The following UVSSA variants were observed in gnomAD, a reference collection of about 807,000 sequenced individuals.
UVSSA encodes UV-stimulated scaffold protein A.
Under a neutral mutation model 73.9 loss-of-function variants are expected in UVSSA, and 72 were observed. The ratio of observed to expected loss-of-function variants is 0.97; its 90% CI spans 0.81 to 1.19. UVSSA has a LOEUF of 1.19. Ranked by LOEUF, UVSSA falls within the 50% of genes most tolerant of loss-of-function variation. UVSSA has a pLI of 0.00. For missense variants in UVSSA, 1,150 were observed against 965.0 expected, an observed-to-expected ratio of 1.19 and a Z score of -2.54; for synonymous variants, 454 against 391.3, an observed-to-expected ratio of 1.16 and a Z score of -1.89.
upstream of UVSSA, among the ~76,000 whole-genome samples, chr4:1,343,417 G>T (rs541385903): frequency 3.3e-5 from 5 of 152,176 alleles, no homozygotes; most frequent in East Asian, 9.6e-4. Flanking sequence ...CTTCGACATA[G>T]GAATTTGGTA....
In UVSSA at chr4:1,348,156, C is replaced by T; in HGVS notation, c.65C>T (p.Pro22Leu). ...LTTSGEPRLN[P>L]EKMKELKKIC... ...ACTTCAGGAGAACCCCGACTAAATC[C>T]TGAGAAAATGAAGGAACTGAAGAAA... The change falls in exon 2 of 14, where the codon CCT becomes CTT. Residue 22 changes from proline to leucine, a missense_variant. Pro to Leu is a moderately conservative substitution (Grantham distance 98). Transcript: ENST00000389851. The T allele has an allele frequency of 6.2e-7, 1 of 1,613,898 alleles. No homozygotes were observed. Among genetic ancestry groups the T allele is most frequent in the Non-Finnish European group, 8.5e-7 (1 of 1,179,988 alleles).
At chr4:1,380,748 G>T in intron 11 of UVSSA, 132 bp from the exon 12 acceptor site, 2 of 1,565,398 alleles carry the variant, frequency 1.3e-6, no homozygotes, top group Non-Finnish European at 8.7e-7. Flanking sequence ...GTGATTCCAG[G>T]TTGTGTACAC....
exon 14 of UVSSA, chr4:1,394,243 G>T: frequency 1.5e-6 from 1 of 658,320 alleles, no homozygotes; most frequent in Non-Finnish European, 2.5e-6. Context: ...CGGCCACTGT[G>T]GGCATCTCGT....
At chr4:1,350,766 TA>T (rs34918099) in intron 3 of UVSSA, among the ~76,000 whole-genome samples, 5,073 of 139,326 alleles carry the variant, frequency 0.036, 227 homozygotes, top group African/African-American at 0.11. Context: ...CGTTGTCTCT[TA>T]AAAAAAAAAA....
intron 13 of UVSSA, 128 bp downstream of exon 13, chr4:1,384,068 C>A: frequency 1.6e-6 from 2 of 1,229,156 alleles, no homozygotes; most frequent in South Asian, 1.6e-5. Flanking sequence ...GCTTTGAGTT[C>A]CCCTGGGGGA....
At chr4:1,349,885 C>T (rs755215063) in intron 3 of UVSSA, 31 bp downstream of exon 3, 2 of 1,493,602 alleles carry the variant, frequency 1.3e-6, no homozygotes, top group Non-Finnish European at 1.8e-6. Flanking sequence ...TTTTCAGAGA[C>T]TGGTTACCTG....
chr4:1,350,782 A>AG (rs1714593120), intron 3 of UVSSA, among the ~76,000 whole-genome samples: 2 of 149,552 alleles, frequency 1.3e-5, no homozygotes, highest in Admixed American at 6.7e-5. Flanking sequence ...AAAAAAAAAA[A>AG]ACTACTGTGA....
intron 8 of UVSSA, among the ~76,000 whole-genome samples, chr4:1,368,753 A>C (rs1158076913): frequency 6.6e-6 from 1 of 152,244 alleles, no homozygotes; most frequent in Admixed American, 6.5e-5. Context: ...AGGCACCTCC[A>C]GATGTGTGTC....
At chr4:1,391,124 T>C (rs780611695), downstream of UVSSA, 2 of 152,978 alleles carry the variant, frequency 1.3e-5, no homozygotes, top group Middle Eastern at 6.8e-3. Context: ...TGGTTTGTAG[T>C]GTTATATGGA....
exon 14 of UVSSA, chr4:1,394,273 T>G: frequency 1.4e-4 from 105 of 776,902 alleles, no homozygotes; most frequent in Middle Eastern, 3.9e-4. Context: ...CTTCCTTTCA[T>G]GAGTTATGTA....
At chr4:1,369,124 C>T (rs1416950403) in intron 8 of UVSSA, among the ~76,000 whole-genome samples, 3 of 131,046 alleles carry the variant, frequency 2.3e-5, no homozygotes, top group African/African-American at 3.6e-5. Context: ...CACGTTCTGC[C>T]GTTCTGCCGT....
intron 6 of UVSSA, 63 bp downstream of exon 6, chr4:1,354,910 G>A (rs1715450030): frequency 6.9e-7 from 1 of 1,446,412 alleles, no homozygotes; most frequent in East Asian, 2.4e-5. Flanking sequence ...GCATGGGGGG[G>A]GTCCCTTTCT....
At chr4:1,382,320 G>A (rs1265318771) in intron 12 of UVSSA, among the ~76,000 whole-genome samples, 4 of 152,230 alleles carry the variant, frequency 2.6e-5, no homozygotes, top group Non-Finnish European at 5.9e-5. Flanking sequence ...GTATCAGGCC[G>A]CGGGCTGCGG....
At chr4:1,376,308 C>T in intron 10 of UVSSA, 140 bp downstream of exon 10, 1 of 1,307,598 alleles carries the variant, frequency 7.6e-7, no homozygotes, top group Non-Finnish European at 1.0e-6. Flanking sequence ...TTCCGGGCAC[C>T]TGGAGGGGCA....
rs548130297 is a variant in UVSSA at position 1,378,023 on chromosome 4, G to C, written c.1568+1855G>C. Among the ~76,000 whole-genome samples the C allele has an allele frequency of 3.9e-5, 6 of 152,376 alleles. No individual in the cohort carries two copies. In the East Asian group the frequency reaches 7.7e-4, roughly 20 times the overall value. ...ACTCCTCCTGGCTGGCCCCTAGCCA[G>C]GATGGCAGGGGCTGCTCACCCCACA... On this transcript the variant is annotated intron_variant, in intron 10 of 13. Coordinates refer to ENST00000389851, the MANE Select transcript of UVSSA (RefSeq NM_020894.4).
chr4:1,362,088 T>A (rs1347432457), intron 7 of UVSSA, among the ~76,000 whole-genome samples: 1 of 152,222 alleles, frequency 6.6e-6, no homozygotes, highest in Non-Finnish European at 1.5e-5. Context: ...ACCCTACTTC[T>A]GTGAACTGAT....
At chr4:1,350,801 A>G (rs1326815964) in intron 3 of UVSSA, among the ~76,000 whole-genome samples, 1 of 151,816 alleles carries the variant, frequency 6.6e-6, no homozygotes, top group Non-Finnish European at 1.5e-5. Context: ...GAACTTACAG[A>G]CGCATAGGGC....
At chr4:1,380,857 G>C in intron 11 of UVSSA, 23 bp from the exon 12 acceptor site, 1 of 1,606,022 alleles carries the variant, frequency 6.2e-7, no homozygotes, top group Non-Finnish European at 8.5e-7. Context: ...CCCGCCATCA[G>C]CCACCGTGTC....
intron 3 of UVSSA, 145 bp downstream of exon 3, chr4:1,349,999 A>T: frequency 1.3e-6 from 1 of 766,436 alleles, no homozygotes; most frequent in South Asian, 2.1e-5. Flanking sequence ...CTGCCAGACC[A>T]TCTGTGGGGT....
Sources: gnomAD v4.1 joint callset for allele counts (sites outside exome capture counted in the v4.1 genomes callset) on GRCh38, gnomAD v4.1.1 for gene constraint, MANE v1.5 for transcripts, NCBI Gene and HGNC (gene_info 2026-07-23, HGNC 2026-07-21) for gene names.